The following SLC4A3 variants were observed in gnomAD, a reference collection of about 807,000 sequenced individuals.
SLC4A3 encodes solute carrier family 4 member 3, also known as anion exchange protein 3.
A neutral mutation model predicts 114.2 loss-of-function variants in SLC4A3; 47 were observed. The observed-to-expected ratio is 0.41, with a 90% confidence interval of 0.33 to 0.52. SLC4A3 has a LOEUF of 0.52. Ranked by LOEUF, SLC4A3 falls within the 20% of genes least tolerant of loss-of-function variation. The pLI, the probability that SLC4A3 is intolerant of heterozygous loss-of-function variation, is 0.21. For synonymous variants in SLC4A3, 693 were observed against 710.3 expected (o/e 0.98, Z 0.39); for missense variants, 1,312 against 1,668.3 (o/e 0.79, Z 3.72).
rs2106204842 is a variant in SLC4A3, at chr2:219,639,902, C to A, written c.3277+167C>A. ...CCCCTAGCCCTTTACTCCTGGAGTC[C>A]TTTTCTGGCTCTCTGTCCTGCCCCC... is the stretch of plus-strand genomic sequence containing the variant. On this transcript the variant is annotated intron_variant, in intron 20 of 22. Transcript: ENST00000358055. This position sits in a 1 kb window ranked among gnomAD's most constrained non-coding sequence, Gnocchi z 5.9. 6.6e-6 allele frequency among the ~76,000 whole-genome samples: 1 copy of A among 152,254 alleles called. No homozygotes were observed. The highest frequency in any genetic ancestry group is 2.4e-5 in the African/African-American group (1 of 41,550).
Position 219,633,317 on chromosome 2 carries a change from C to A in SLC4A3, c.1321C>A (p.Pro441Thr), listed in dbSNP as rs777314302. Reference sequence around the variant, plus strand: ...GGACAGTGGCTTCTTTCCCCGAAACCCATCGAGCTCCAGCATGAACTCGGT... The same window carrying A: ...GGACAGTGGCTTCTTTCCCCGAAACACATCGAGCTCCAGCATGAACTCGGT... ...DKDSGFFPRN[P>T]SSSSMNSVLG... The change falls in exon 10 of 23, where the codon CCA becomes ACA. Residue 441 changes from proline (P) to threonine (T), a missense_variant. Around this residue, in one of 4 missense-constraint regions of SLC4A3, gnomAD observed 771 missense variants for 977.7 expected, o/e 0.79. Transcript: ENST00000358055. 6.3e-7 allele frequency: 1 copy of A among 1,599,236 alleles called. No homozygotes were observed. The highest frequency in any genetic ancestry group is 8.5e-7 in the Non-Finnish European group (1 of 1,170,788).
rs777580924 is a variant in SLC4A3 at position 219,629,326 on chromosome 2, G to A, written c.400G>A (p.Val134Met). The change falls in exon 4 of 23, where the codon GTG (valine) becomes ATG (methionine). Residue 134 changes from valine (V) to methionine (M), a missense_variant. Transcript: ENST00000358055. Reference protein sequence around the residue: ...PPIQEEGGAGVDEEEEEEEEE... With the variant: ...PPIQEEGGAGMDEEEEEEEEE... Reference sequence around the variant, plus strand: ...CATCCAGGAGGAGGGGGGAGCTGGAGTGGATGAGGAAGAGGAGGAAGAGGA... The same window carrying A: ...CATCCAGGAGGAGGGGGGAGCTGGAATGGATGAGGAAGAGGAGGAAGAGGA... 1.9e-6 allele frequency: 3 copies of A among 1,613,032 alleles called. No homozygotes were observed. In the South Asian group the frequency reaches 3.3e-5, roughly 18 times the overall value.
intron 5 of SLC4A3, 96 bp downstream of exon 5, chr2:219,629,791 C>G (rs1698853069): frequency 1.3e-6 from 1 of 774,342 alleles, no homozygotes; most frequent in South Asian, 1.8e-5. Flanking sequence ...GGGGAGTGTC[C>G]CCAGCTCTGA....
rs112035814 is a variant in SLC4A3 at position 219,628,059 on chromosome 2, G to A, written c.51+16G>A. The A allele has an allele frequency of 6.5e-6, 10 of 1,545,858 alleles. No individual in the cohort carries two copies. The highest frequency in any genetic ancestry group is 7.8e-6 in the Non-Finnish European group (9 of 1,147,754). ...CCTACCCCAGGTGATCGGCGCGCGC[G>A]GGGGCGGGGGAGAGATGGGGGAGGA... On this transcript the variant is annotated intron_variant, in intron 2 of 22. Coordinates refer to ENST00000358055, the MANE Select transcript of SLC4A3 (RefSeq NM_005070.4). The surrounding 1 kb of genome is among the most constrained non-coding windows in gnomAD (Gnocchi z 4.8).
At chr2:219,640,737 G>T (rs1215555191) in intron 21 of SLC4A3, 52 bp from the exon 22 acceptor site, 7 of 1,587,814 alleles carry the variant, frequency 4.4e-6, no homozygotes, top group Non-Finnish European at 6.0e-6. Context: ...ATGTGGGTGG[G>T]TGGGAGCAGG....
At position 219,633,935 on chromosome 2, in the gene SLC4A3, T is replaced by A; in HGVS notation, c.1517T>A (p.Leu506Gln). Residue 506 changes from leucine to glutamine, a missense_variant, in exon 11 of 23, where the codon CTG becomes CAG. Coordinates refer to ENST00000358055, the MANE Select transcript of SLC4A3 (RefSeq NM_005070.4). ...DGHRGKSLKL[L>Q]EKIPEDAEAT... ...CACCGGGGGAAAAGCCTGAAGCTGCTGGAGAAGATCCCTGAAGATGCTGAG... is the reference window on the plus strand; with the variant it reads ...CACCGGGGGAAAAGCCTGAAGCTGCAGGAGAAGATCCCTGAAGATGCTGAG... 1.3e-6 allele frequency: 2 copies of A among 1,562,228 alleles called. No individual in the cohort carries two copies. Among genetic ancestry groups the A allele is most frequent in the Non-Finnish European group, 1.7e-6 (2 of 1,152,480 alleles).
Position 219,632,036 on chromosome 2 carries a change from G to T in SLC4A3, c.880G>T (p.Gly294Trp). The change falls in exon 7 of 23, where the codon GGG (glycine) becomes TGG (tryptophan). Residue 294 changes from glycine (G) to tryptophan (W), a missense_variant. Gly to Trp is a radical substitution (Grantham distance 184). This residue lies in a region of SLC4A3 where 771 missense variants were observed against 977.7 expected (regional missense o/e 0.79). Transcript: ENST00000358055. Reference sequence around the variant, plus strand: ...GAAAAAGCCCTCCCGGACGCAGGGCGGGAGGGGCAGTCCCAGCGGCCTGGC... The same window carrying T: ...GAAAAAGCCCTCCCGGACGCAGGGCTGGAGGGGCAGTCCCAGCGGCCTGGC... ...LVKKPSRTQG[G>W]RGSPSGLAPI... 6.2e-7 allele frequency: 1 copy of T among 1,613,554 alleles called. No individual in the cohort carries two copies. The highest frequency in any genetic ancestry group is 8.5e-7 in the Non-Finnish European group (1 of 1,179,804).
Position 219,633,904 on chromosome 2 carries a change from G to A in SLC4A3, c.1486G>A (p.Asp496Asn). 2 of 1,560,356 alleles carry A rather than the reference G, an allele frequency of 1.3e-6. No individual in the cohort carries two copies. The highest frequency in any genetic ancestry group is 1.7e-6 in the Non-Finnish European group (2 of 1,151,474). The change falls in exon 11 of 23, where the codon GAT (aspartate) becomes AAT (asparagine). Residue 496 changes from aspartate (D) to asparagine (N), a missense_variant. By Grantham distance (23) the Asp-to-Asn change is conservative. This residue lies in a region of SLC4A3 where 771 missense variants were observed against 977.7 expected (regional missense o/e 0.79). Coordinates refer to ENST00000358055, the MANE Select transcript of SLC4A3 (RefSeq NM_005070.4). ...KEKPLHMPGG[D>N]GHRGKSLKLL... is the part of the protein sequence containing the mutation. ...GAAGCCCCTCCACATGCCTGGGGGA[G>A]ATGGTCACCGGGGGAAAAGCCTGAA...
rs760078488 is a variant in SLC4A3 at position 219,633,425 on chromosome 2, C to A, written c.1429C>A (p.Pro477Thr). Residue 477 changes from proline (P) to threonine (T), a missense_variant, in exon 10 of 23, where the codon CCA (proline) becomes ACA (threonine). Around this residue, in one of 4 missense-constraint regions of SLC4A3, gnomAD observed 771 missense variants for 977.7 expected, o/e 0.79. Coordinates refer to ENST00000358055, the MANE Select transcript of SLC4A3 (RefSeq NM_005070.4). ...GGCTGATGACCTGGGGGAGCCAGCC[C>A]CACTCTGGCCACATGACCCTGACGC... is the stretch of plus-strand genomic sequence containing the variant. Reference protein sequence around the residue: ...TMADDLGEPAPLWPHDPDAKE... With the variant: ...TMADDLGEPATLWPHDPDAKE... The A allele has an allele frequency of 8.3e-6, 13 of 1,565,154 alleles. No homozygotes were observed. The highest frequency in any genetic ancestry group is 1.1e-5 in the Non-Finnish European group (13 of 1,155,450).
In SLC4A3 at chr2:219,634,531, T is replaced by C. The variant is rs1242308272; in HGVS notation, c.1673T>C (p.Met558Thr). Reference sequence around the variant, plus strand: ...GTCCCGGTCCGCTTCCTCTTCGTGATGCTGGGGCCCAGCCACACCAGCACT... The same window carrying C: ...GTCCCGGTCCGCTTCCTCTTCGTGACGCTGGGGCCCAGCCACACCAGCACT... ...VPVPVRFLFV[M>T]LGPSHTSTDY... The change falls in exon 12 of 23, where the codon ATG becomes ACG. Residue 558 changes from methionine to threonine, a missense_variant. Coordinates refer to ENST00000358055, the MANE Select transcript of SLC4A3 (RefSeq NM_005070.4). The C allele has an allele frequency of 6.2e-7, 1 of 1,614,256 alleles. No homozygotes were observed. Among genetic ancestry groups the C allele is most frequent in the East Asian group, 2.2e-5 (1 of 44,878 alleles).
chr2:219,630,118 C>A lies in SLC4A3; in HGVS notation c.612-35C>A. ...CGGTGATGGAACCACCGACCTGGCCCTGTCAAGTCCAAGGCTGCTGTGTTG... is the reference window on the plus strand; with the variant it reads ...CGGTGATGGAACCACCGACCTGGCCATGTCAAGTCCAAGGCTGCTGTGTTG... On this transcript the variant is annotated intron_variant, in intron 5 of 22. Coordinates refer to ENST00000358055, the MANE Select transcript of SLC4A3 (RefSeq NM_005070.4). This position sits in a 1 kb window ranked among gnomAD's most constrained non-coding sequence, Gnocchi z 6.9. The A allele has an allele frequency of 6.2e-7, 1 of 1,610,014 alleles. No individual in the cohort carries two copies. Among genetic ancestry groups the A allele is most frequent in the South Asian group, 1.1e-5 (1 of 90,580 alleles).
chr2:219,628,635 C>A lies in SLC4A3; in HGVS notation c.217+65C>A. On this transcript the variant is annotated intron_variant, in intron 3 of 22. Transcript: ENST00000358055. This position sits in a 1 kb window ranked among gnomAD's most constrained non-coding sequence, Gnocchi z 4.8. ...ACCATCACCTTCATCGCCACCATCA[C>A]CGCGCTCACCTCCGGCTTGGTCACC... The A allele has an allele frequency of 1.3e-6, 2 of 1,529,560 alleles. No homozygotes were observed. Among genetic ancestry groups the A allele is most frequent in the South Asian group, 2.3e-5 (2 of 87,582 alleles). 94.7% of individuals were successfully genotyped at this position (1,529,560 alleles called of 1,614,324 possible). A position where few individuals can be genotyped will look rare whatever the true frequency, so the allele number is the denominator to read the frequency against.
Position 219,637,372 on chromosome 2 carries a change from ATG to A in SLC4A3, c.2536-201_2536-200del, listed in dbSNP as rs981931840. ...GTGTTTTTTTTGTGTTGTATGTGTT[ATG>A]TGTGTGTTGTTACGTGTTGTGTGTG... On this transcript the variant is annotated intron_variant, in intron 16 of 22. Transcript: ENST00000358055. The surrounding 1 kb of genome is among the most constrained non-coding windows in gnomAD (Gnocchi z 4.6). Among the ~76,000 whole-genome samples the A allele has an allele frequency of 2.7e-5, 4 of 147,178 alleles. No homozygotes were observed. Among genetic ancestry groups the A allele is most frequent in the African/African-American group, 1.0e-4 (4 of 39,648 alleles).
chr2:219,637,134 T>C lies in SLC4A3; in HGVS notation c.2535+260T>C, dbSNP rs540952701. ...AGGACTCACTTGCACAGGTATGTGA[T>C]GGGGAGGGAGCTGTCAGTGCTAAGG... is the stretch of plus-strand genomic sequence containing the variant. On this transcript the variant is annotated intron_variant, in intron 16 of 22. Coordinates refer to ENST00000358055, the MANE Select transcript of SLC4A3 (RefSeq NM_005070.4). The surrounding 1 kb of genome is among the most constrained non-coding windows in gnomAD (Gnocchi z 4.6). 7.9e-5 allele frequency among the ~76,000 whole-genome samples: 12 copies of C among 151,920 alleles called. No homozygotes were observed. The highest frequency in any genetic ancestry group is 2.9e-4 in the African/African-American group (12 of 41,434).
At chr2:219,632,846 C>A in intron 8 of SLC4A3, 28 bp from the exon 9 acceptor site, 1 of 1,613,012 alleles carries the variant, frequency 6.2e-7, no homozygotes, top group Non-Finnish European at 8.5e-7. Flanking sequence ...TGGGACTGTG[C>A]CCTCTCTGTG....
In SLC4A3 at chr2:219,638,178, C is replaced by A. The variant is rs34173245; in HGVS notation, c.2781C>A (p.Ile927=). ...RFLGGKARRI[I]GDFGIPISIL... is the part of the protein sequence containing the mutation. Reference sequence around the variant, plus strand: ...CCCCTCTCAAGGCTCGTCGCATCATCGGGGACTTTGGCATCCCCATCTCCA... The same window carrying A: ...CCCCTCTCAAGGCTCGTCGCATCATAGGGGACTTTGGCATCCCCATCTCCA... Residue 927 remains isoleucine (I), a synonymous_variant, in exon 18 of 23, where the codon ATC becomes ATA. Transcript: ENST00000358055. The surrounding 1 kb of genome is among the most constrained non-coding windows in gnomAD (Gnocchi z 7.5). The A allele has an allele frequency of 1.3e-3, 2,121 of 1,611,998 alleles. 6 individuals are homozygous for A. The highest frequency in any genetic ancestry group is 1.6e-3 in the Non-Finnish European group (1,937 of 1,178,964).
In SLC4A3 at chr2:219,641,832, G is replaced by GATGTGCCT; in HGVS notation, c.*105_*112dup. On this transcript the variant is annotated 3_prime_UTR_variant, in exon 23 of 23. Coordinates refer to ENST00000358055, the MANE Select transcript of SLC4A3 (RefSeq NM_005070.4). The surrounding 1 kb of genome is among the most constrained non-coding windows in gnomAD (Gnocchi z 4.0). ...GCTGGGGGGCTCCTCAGGACCCAGA[G>GATGTGCCT]ATGTGCCTGGAACCACTCCTGATGC... 1.1e-6 allele frequency: 1 copy of GATGTGCCT among 917,582 alleles called. No homozygotes were observed. Among genetic ancestry groups the GATGTGCCT allele is most frequent in the East Asian group, 2.5e-5 (1 of 40,120 alleles). The allele number at this position is 917,582 out of a possible 1,614,324, so 56.8% of individuals were successfully genotyped here.
At position 219,636,489 on chromosome 2, in the gene SLC4A3, C is replaced by G; in HGVS notation, c.2340+39C>G. The G allele has an allele frequency of 6.5e-7, 1 of 1,549,458 alleles. No individual in the cohort carries two copies. ...TTGCCCTGCTCCATCCATCCTGCCC[C>G]ACACTCTTCCTTACCTACATCCTGC... On this transcript the variant is annotated intron_variant, in intron 15 of 22. Transcript: ENST00000358055. This position sits in a 1 kb window ranked among gnomAD's most constrained non-coding sequence, Gnocchi z 5.5.
rs1232558108 is a variant in SLC4A3 at position 219,640,513 on chromosome 2, T to C, written c.3361T>C (p.Ser1121Pro). 1.2e-6 allele frequency: 2 copies of C among 1,613,938 alleles called. No homozygotes were observed. The highest frequency in any genetic ancestry group is 1.7e-6 in the Non-Finnish European group (2 of 1,179,998). ...FGIFLYMGVT[S>P]LSGIQLSQRL... ...GATCTTCCTGTACATGGGGGTCACG[T>C]CCCTGTCTGGTATCCAGCTGTCCCA... is the stretch of plus-strand genomic sequence containing the variant. Residue 1121 changes from serine to proline, a missense_variant, in exon 21 of 23, where the codon TCC (serine) becomes CCC (proline). Coordinates refer to ENST00000358055, the MANE Select transcript of SLC4A3 (RefSeq NM_005070.4).
Sources: allele counts gnomAD v4.1 joint callset (sites outside exome capture counted in the v4.1 genomes callset), GRCh38; gene constraint gnomAD v4.1.1; regional missense constraint gnomAD v4.1.1; non-coding constraint Gnocchi (gnomAD v3.1); transcripts MANE v1.5; gene names NCBI Gene and HGNC (gene_info 2026-07-23, HGNC 2026-07-21).